The following OTOA variants were observed in gnomAD, a reference collection of about 807,000 sequenced individuals.
The protein encoded by OTOA is otoancorin.
A neutral mutation model predicts 110.8 loss-of-function variants in OTOA; 70 were observed. The ratio of observed to expected loss-of-function variants is 0.63; its 90% CI spans 0.52 to 0.77. OTOA has a LOEUF of 0.77. Ranked by LOEUF, OTOA falls within the 30% of genes least tolerant of loss-of-function variation. The probability of loss-of-function intolerance (pLI) is 0.00; values close to 1 mark genes in which losing one functional copy is unlikely to be tolerated. For missense variants in OTOA, 917 were observed against 1,075.8 expected (o/e 0.85, Z 2.06); for synonymous variants, 373 against 431.5 (o/e 0.86, Z 1.68).
intron 10 of OTOA, 110 bp downstream of exon 10, chr16:21,697,985 G>T (rs1056461361): frequency 7.4e-6 from 7 of 950,612 alleles, no homozygotes; most frequent in African/African-American, 1.6e-5. Flanking sequence ...TGGAAATTGT[G>T]TACCCTCCTC....
intron 1 of OTOA, among the ~76,000 whole-genome samples, chr16:21,672,797 T>C (rs1463208897): frequency 1.3e-5 from 2 of 152,156 alleles, no homozygotes; most frequent in East Asian, 1.9e-4. Flanking sequence ...TGAAACTATA[T>C]ATTATTGTTA....
At chr16:21,735,574 AG>A (rs1899265068) in intron 21 of OTOA, among the ~76,000 whole-genome samples, 1 of 152,096 alleles carries the variant, frequency 6.6e-6, no homozygotes, top group Admixed American at 6.6e-5. Flanking sequence ...AAACCAAAAA[AG>A]GGGTAGGTAC....
At chr16:21,678,337 A>G (rs1416043730) in intron 1 of OTOA, among the ~76,000 whole-genome samples, 174 bp from the exon 2 acceptor site, 1 of 151,946 alleles carries the variant, frequency 6.6e-6, no homozygotes, top group East Asian at 1.9e-4. Flanking sequence ...GTGAGTTTTA[A>G]AATTATTTTT....
chr16:21,717,998 C>A (rs1447213492), intron 15 of OTOA, among the ~76,000 whole-genome samples: 5 of 152,098 alleles, frequency 3.3e-5, no homozygotes, highest in Non-Finnish European at 7.4e-5. Context: ...TCTCGGTCAC[C>A]CAGGCTGGGG....
At chr16:21,729,406 C>T (rs1479129744) in intron 20 of OTOA, among the ~76,000 whole-genome samples, 1 of 152,148 alleles carries the variant, frequency 6.6e-6, no homozygotes, top group Non-Finnish European at 1.5e-5. Flanking sequence ...TCCCATATCT[C>T]TCTGACCCCG....
chr16:21,684,127 TA>T (rs80259883), intron 6 of OTOA, among the ~76,000 whole-genome samples: 2,212 of 143,788 alleles, frequency 0.015, 10 homozygotes, highest in Non-Finnish European at 0.02. Flanking sequence ...ATACTTATAC[TA>T]AAAAAAAAAA....
At chr16:21,703,265 C>G (rs1418691659) in intron 11 of OTOA, among the ~76,000 whole-genome samples, 3 of 152,142 alleles carry the variant, frequency 2.0e-5, no homozygotes, top group Non-Finnish European at 4.4e-5. Flanking sequence ...CTCCAACTCC[C>G]TTCCCACCTC....
At chr16:21,668,686 T>C (rs994125352) in intron 1 of OTOA, among the ~76,000 whole-genome samples, 2 of 151,638 alleles carry the variant, frequency 1.3e-5, no homozygotes, top group Non-Finnish European at 2.9e-5. Context: ...GGTCTCAAAC[T>C]CCTGACCTCA....
intron 1 of OTOA, among the ~76,000 whole-genome samples, chr16:21,668,047 C>T (rs937081946): frequency 6.6e-6 from 1 of 151,998 alleles, no homozygotes; most frequent in Non-Finnish European, 1.5e-5. Flanking sequence ...AAACTATTAA[C>T]AATAATTCTT....
chr16:21,675,912 G>C (rs1296214411), intron 1 of OTOA, among the ~76,000 whole-genome samples: 1 of 151,918 alleles, frequency 6.6e-6, no homozygotes, highest in East Asian at 1.9e-4. Flanking sequence ...TAGTATGCCT[G>C]GTAATTTTTA....
chr16:21,718,158 A>G (rs1278889970), intron 15 of OTOA, among the ~76,000 whole-genome samples: 1 of 152,088 alleles, frequency 6.6e-6, no homozygotes, highest in Non-Finnish European at 1.5e-5. Flanking sequence ...GGGTTTCACC[A>G]TGTTGGCCAG....
At chr16:21,699,599 T>A (rs1898010667) in intron 10 of OTOA, among the ~76,000 whole-genome samples, 1 of 151,970 alleles carries the variant, frequency 6.6e-6, no homozygotes, top group Non-Finnish European at 1.5e-5. Context: ...ATCACACCAC[T>A]GCACCCAAGC....
At chr16:21,716,764 AATGGGGATG>A in intron 14 of OTOA, 134 bp from the exon 15 acceptor site, 1 of 923,946 alleles carries the variant, frequency 1.1e-6, no homozygotes, top group Non-Finnish European at 1.7e-6. Context: ...TCACCTGTGA[AATGGGGATG>A]ATGCTACTCT....
At chr16:21,669,971 T>C (rs553134373) in intron 1 of OTOA, among the ~76,000 whole-genome samples, 8 of 151,898 alleles carry the variant, frequency 5.3e-5, no homozygotes, top group African/African-American at 1.9e-4. Flanking sequence ...ACCAAAAATA[T>C]AAAAATTAGC....
At chr16:21,735,298 T>G (rs1347858148) in intron 21 of OTOA, among the ~76,000 whole-genome samples, 1 of 152,038 alleles carries the variant, frequency 6.6e-6, no homozygotes, top group Non-Finnish European at 1.5e-5. Flanking sequence ...CACATCTTAC[T>G]TGGCCGACAC....
At chr16:21,700,463 G>A (rs1160299512) in intron 10 of OTOA, among the ~76,000 whole-genome samples, 4 of 152,096 alleles carry the variant, frequency 2.6e-5, no homozygotes, top group Non-Finnish European at 5.9e-5. Context: ...GGTGGCTTAC[G>A]CCTGTAATCC....
intron 28 of OTOA, among the ~76,000 whole-genome samples, chr16:21,759,704 G>A (rs1024995461): frequency 2.6e-5 from 4 of 151,998 alleles, no homozygotes; most frequent in African/African-American, 7.3e-5. Flanking sequence ...AATTTGAGAT[G>A]AGCCTGGCCA....
At chr16:21,677,942 A>G in intron 1 of OTOA, among the ~76,000 whole-genome samples, 1 of 151,934 alleles carries the variant, frequency 6.6e-6, no homozygotes, top group Non-Finnish European at 1.5e-5. Flanking sequence ...GCTGGAGTGC[A>G]GTGGCACAAT....
chr16:21,680,551 G>A (rs1440488240), intron 5 of OTOA, among the ~76,000 whole-genome samples: 3 of 151,186 alleles, frequency 2.0e-5, no homozygotes, highest in Non-Finnish European at 4.4e-5. Context: ...GCAAACGTAA[G>A]ATTACAAAAG....
Sources: gnomAD v4.1 joint callset for allele counts (sites outside exome capture counted in the v4.1 genomes callset) on GRCh38, gnomAD v4.1.1 for gene constraint, MANE v1.5 for transcripts, NCBI Gene and HGNC (gene_info 2026-07-23, HGNC 2026-07-21) for gene names.